PKD1: variants seen among roughly 807,000 people sequenced by gnomAD.
PKD1 encodes polycystin-1.
In PKD1, 81 loss-of-function variants were observed where a neutral mutation model predicts 361.7. The observed-to-expected ratio is 0.22, with a 90% confidence interval of 0.19 to 0.27. PKD1 has a LOEUF of 0.27. PKD1 is among the 10% of genes least tolerant of loss of function. PKD1 has a pLI of 1.00. For synonymous variants in PKD1, 3,615 were observed against 2,818.3 expected (o/e 1.28, Z -8.95); for missense variants, 6,399 against 6,118.3 (o/e 1.05, Z -1.53).
chr16:2,114,517 G>C lies in PKD1; in HGVS notation c.2506C>G (p.Leu836Val). Residue 836 changes from leucine (L) to valine (V), a missense_variant, in exon 11 of 46, where the codon CTC becomes GTC. Coordinates refer to ENST00000262304, the MANE Select transcript of PKD1 (RefSeq NM_001009944.3). ...GCTGAGCCGTTGGTGGGCACGTAGAGGCGGCCGTCGCGGGGGGCAGGGTAG... is the reference window on the plus strand; with the variant it reads ...GCTGAGCCGTTGGTGGGCACGTAGACGCGGCCGTCGCGGGGGGCAGGGTAG... ...VIYPAPRDGR[L>V]YVPTNGSALV... 1 of 1,594,842 alleles carries C rather than the reference G, an allele frequency of 6.3e-7. No individual in the cohort carries two copies. Among genetic ancestry groups the C allele is most frequent in the Non-Finnish European group, 8.5e-7 (1 of 1,179,078 alleles).
chr16:2,097,643 C>G (rs1200131878), intron 32 of PKD1, 85 bp downstream of exon 32: 19 of 1,610,514 alleles, frequency 1.2e-5, no homozygotes, highest in Non-Finnish European at 1.6e-5. Flanking sequence ...CACAGACACC[C>G]AGCAAGGACA....
At chr16:2,119,937 G>T (rs1054131588) in intron 1 of PKD1, 8 of 668,512 alleles carry the variant, frequency 1.2e-5, no homozygotes, top group Non-Finnish European at 1.9e-5. Context: ...AAGACGGCCA[G>T]GCACTGGGGC....
At chr16:2,131,859 C>A (rs1323614954) in intron 1 of PKD1, 8 of 152,124 alleles carry the variant, frequency 5.3e-5, no homozygotes, top group Non-Finnish European at 8.8e-5. Flanking sequence ...CTAGCTGGTC[C>A]AAGCACAGTG....
intron 21 of PKD1, 80 bp downstream of exon 21, chr16:2,105,242 G>A (rs1167677126): frequency 1.4e-6 from 2 of 1,446,164 alleles, no homozygotes; most frequent in Non-Finnish European, 1.9e-6. Flanking sequence ...CCTCGGCCAA[G>A]CTGCCCGTCT....
chr16:2,117,654 G>A lies in PKD1; in HGVS notation c.1220C>T (p.Pro407Leu). ...EPARAVHPLC[P>L]SDTEIFPGNG... The stretch of plus-strand genomic sequence containing the variant: ...GCCAGGGAAGATCTCCGTGTCCGAG[G>A]GGCAGAGCGGGTGCACCGCTGGAGA... Residue 407 changes from proline to leucine, a missense_variant, in exon 6 of 46, where the codon CCC (proline) becomes CTC (leucine). Transcript: ENST00000262304. 10 of 1,610,400 alleles carry A rather than the reference G, an allele frequency of 6.2e-6. No homozygotes were observed. The highest frequency in any genetic ancestry group is 1.3e-5 in the African/African-American group (1 of 74,952).
rs780163040 is a variant in PKD1, at chr16:2,112,970, G to T, written c.2986-7C>A. 6.3e-7 allele frequency: 1 copy of T among 1,597,902 alleles called. No individual in the cohort carries two copies. Among genetic ancestry groups the T allele is most frequent in the Admixed American group, 1.7e-5 (1 of 60,010 alleles). On this transcript the variant is annotated splice_polypyrimidine_tract_variant and splice_region_variant and intron_variant, in intron 12 of 45. Transcript: ENST00000262304. ...CGTGGTTGGAGGCCGTCAGCTGCAG[G>T]GACAGGCGTCAGTGAGCCCAGGTGG...
chr16:2,121,472 G>A (rs1233798348), intron 1 of PKD1, among the ~76,000 whole-genome samples: 2 of 152,112 alleles, frequency 1.3e-5, no homozygotes, highest in Admixed American at 6.5e-5. Context: ...ATTAGAAGAA[G>A]CACAATTGGT....
At chr16:2,126,691 C>T (rs561230925) in intron 1 of PKD1, among the ~76,000 whole-genome samples, 6 of 152,252 alleles carry the variant, frequency 3.9e-5, no homozygotes, top group Non-Finnish European at 8.8e-5. Flanking sequence ...GGGATGTTTT[C>T]ATTCCAGGGT....
chr16:2,109,899 C>T lies in PKD1; in HGVS notation c.5268G>A (p.Glu1756=). The T allele has an allele frequency of 1.7e-5, 28 of 1,610,622 alleles. No homozygotes were observed. The highest frequency in any genetic ancestry group is 2.4e-5 in the Non-Finnish European group (28 of 1,179,786). Residue 1756 remains glutamate (E), a synonymous_variant, in exon 15 of 46, where the codon GAG becomes GAA. Transcript: ENST00000262304. ...SGVVYTWSLE[E]GLSWETSEPF... is the part of the protein sequence containing the mutation. ...GCTCGGAGGTCTCCCAGCTCAGCCC[C>T]TCCTCCAAGGACCAAGTGTATACGA...
chr16:2,100,150 T>G lies in PKD1; in HGVS notation c.9712+16A>C. 1.2e-6 allele frequency: 2 copies of G among 1,606,386 alleles called. No individual in the cohort carries two copies. Among genetic ancestry groups the G allele is most frequent in the African/African-American group, 1.3e-5 (1 of 74,784 alleles). Reference sequence around the variant, plus strand: ...CCCAACCTCCCACGGAGTGGGAACATGGAACGAGGCCTTACTCGCGGCCAG... The same window carrying G: ...CCCAACCTCCCACGGAGTGGGAACAGGGAACGAGGCCTTACTCGCGGCCAG... On this transcript the variant is annotated intron_variant, in intron 28 of 45. Transcript: ENST00000262304. The surrounding 1 kb of genome is among the most constrained non-coding windows in gnomAD (Gnocchi z 4.4).
At chr16:2,112,680 A>G (rs2092546871) in intron 13 of PKD1, 108 bp downstream of exon 13, 2 of 1,279,466 alleles carry the variant, frequency 1.6e-6, no homozygotes, top group African/African-American at 2.9e-5. Flanking sequence ...ACAGACAGGG[A>G]AACCGAGGCT....
chr16:2,090,649 C>T (rs754098879), intron 44 of PKD1, 25 bp downstream of exon 44: 62 of 1,610,478 alleles, frequency 3.8e-5, no homozygotes, highest in South Asian at 3.2e-4. Context: ...GCTAAGACGC[C>T]CTCCCCGGCC....
Position 2,094,208 on chromosome 16 carries a change from G to A in PKD1, c.10502C>T (p.Ser3501Phe). The A allele has an allele frequency of 6.4e-7, 1 of 1,568,414 alleles. No homozygotes were observed. The highest frequency in any genetic ancestry group is 8.8e-7 in the Non-Finnish European group (1 of 1,140,744). Residue 3501 changes from serine (S) to phenylalanine (F), a missense_variant and splice_region_variant, in exon 35 of 46, where the codon TCC becomes TTC. Physicochemically the swap from Ser to Phe is radical, Grantham distance 155 (BLOSUM62 -2). Coordinates refer to ENST00000262304, the MANE Select transcript of PKD1 (RefSeq NM_001009944.3). ...HMETDLLSSL[S>F]STPGEKTETL... ...CTCTGTCTTCTCCCCAGGAGTGCTG[G>A]ACCTGAGGGACATGGTAGGCTGTGA... is the stretch of plus-strand genomic sequence containing the variant.
At position 2,104,513 on chromosome 16, in the gene PKD1, T is replaced by C. The variant is rs1353004865; in HGVS notation, c.8146A>G (p.Ile2716Val). Reference protein sequence around the residue: ...TVTPTAIGDSILNITGDLIHL... With the variant: ...TVTPTAIGDSVLNITGDLIHL... ...GCCGCGGCACCTGTGATGTTGAGGA[T>C]GCTGTCTCCGATGGCGGTGGGCGTC... Residue 2716 changes from isoleucine to valine, a missense_variant, in exon 22 of 46, where the codon ATC becomes GTC. By Grantham distance (29) the Ile-to-Val change is conservative. Coordinates refer to ENST00000262304, the MANE Select transcript of PKD1 (RefSeq NM_001009944.3). 1.4e-5 allele frequency: 22 copies of C among 1,543,442 alleles called. No homozygotes were observed. The Admixed American group carries it at 2.5e-4, about 17-fold the overall frequency.
At position 2,091,045 on chromosome 16, in the gene PKD1, T is replaced by C. The variant is rs1379759910; in HGVS notation, c.11842A>G (p.Thr3948Ala). 2 of 1,526,360 alleles carry C rather than the reference T, an allele frequency of 1.3e-6. No individual in the cohort carries two copies. Among genetic ancestry groups the C allele is most frequent in the Admixed American group, 4.0e-5 (2 of 50,458 alleles). The allele number at this position is 1,526,360 out of a possible 1,614,324, so 94.6% of individuals were successfully genotyped here. A position where few individuals can be genotyped will look rare whatever the true frequency, so the allele number is the denominator to read the frequency against. ...RWLLVALTAA[T>A]ALVRLAQLGA... is the part of the protein sequence containing the mutation. The stretch of plus-strand genomic sequence containing the variant: ...AGCTGGGCGAGGCGTACCAGTGCCG[T>C]GGCCGCCGTCAGCGCCACCAGCAGC... The change falls in exon 43 of 46, where the codon ACG becomes GCG. Residue 3948 changes from threonine to alanine, a missense_variant. Physicochemically the swap from Thr to Ala is moderately conservative, Grantham distance 58. Transcript: ENST00000262304.
rs922833551 is a variant in PKD1 at position 2,089,773 on chromosome 16, C to T, written c.12866G>A (p.Arg4289Lys). ...RGVDLATGPS[R>K]TPLRAKNKVH... is the part of the protein sequence containing the mutation. ...CTTGTTCTTGGCCCGAAGGGGTGTC[C>T]TGCTGGGGCCAGTGGCCAGGTCCAC... The change falls in exon 46 of 46, where the codon AGG becomes AAG. Residue 4289 changes from arginine to lysine, a missense_variant. Arg to Lys is a conservative substitution (Grantham distance 26, BLOSUM62 2). Transcript: ENST00000262304. The T allele has an allele frequency of 1.9e-6, 3 of 1,596,950 alleles. No individual in the cohort carries two copies. Among genetic ancestry groups the T allele is most frequent in the Non-Finnish European group, 2.6e-6 (3 of 1,173,272 alleles).
In PKD1 at chr16:2,111,233, G is replaced by A. The variant is rs755661885; in HGVS notation, c.3934C>T (p.Arg1312Trp). The A allele has an allele frequency of 3.0e-5, 49 of 1,610,746 alleles. No individual in the cohort carries two copies. The highest frequency in any genetic ancestry group is 1.1e-4 in the East Asian group (5 of 44,870). ...TTCCCGGTGACGTAGGCCGTGAGCC[G>A]CGCGTCAGGCTGCGTGGGGATGCAG... ...AACIPTQPDA[R>W]LTAYVTGNPA... Residue 1312 changes from arginine to tryptophan, a missense_variant, in exon 15 of 46, where the codon CGG (arginine) becomes TGG (tryptophan). Coordinates refer to ENST00000262304, the MANE Select transcript of PKD1 (RefSeq NM_001009944.3).
At position 2,106,602 on chromosome 16, in the gene PKD1, T is replaced by C; in HGVS notation, c.7285A>G (p.Met2429Val). 6.3e-7 allele frequency: 1 copy of C among 1,598,572 alleles called. No homozygotes were observed. Among genetic ancestry groups the C allele is most frequent in the African/African-American group, 1.3e-5 (1 of 74,948 alleles). The stretch of plus-strand genomic sequence containing the variant: ...ACGCCCCGCCGCAGCACCAGTCGCA[T>C]GCCTGCACTGCCCGTGGATGTGGTG... ...ETTTSTGSAG[M>V]RLVLRRGVLR... The change falls in exon 18 of 46, where the codon ATG (methionine) becomes GTG (valine). Residue 2429 changes from methionine to valine, a missense_variant. Met to Val is a conservative substitution (Grantham distance 21, BLOSUM62 1). Coordinates refer to ENST00000262304, the MANE Select transcript of PKD1 (RefSeq NM_001009944.3). This position sits in a 1 kb window ranked among gnomAD's most constrained non-coding sequence, Gnocchi z 6.5.
intron 40 of PKD1, 31 bp from the exon 41 acceptor site, chr16:2,091,937 C>G (rs772916096): frequency 1.9e-6 from 3 of 1,611,620 alleles, no homozygotes; most frequent in Non-Finnish European, 2.5e-6. Context: ...GGGTGCCGCA[C>G]CCCAGCCCTT....
Sources: allele counts gnomAD v4.1 joint callset (sites outside exome capture counted in the v4.1 genomes callset), GRCh38; gene constraint gnomAD v4.1.1; non-coding constraint Gnocchi (gnomAD v3.1); transcripts MANE v1.5; gene names NCBI Gene and HGNC (gene_info 2026-07-23, HGNC 2026-07-21).